Variants in ZBTB10 observed in about 807,000 individuals in gnomAD.
ZBTB10 encodes zinc finger and BTB domain containing 10.
ZBTB10 carries 32 observed loss-of-function variants against 76.4 expected under a neutral mutation model. That is an observed-to-expected ratio of 0.42 (90% CI 0.32 to 0.56). The LOEUF is 0.56. Among genes scored for constraint, ZBTB10 ranks in the 20% least tolerant of loss-of-function variants. ZBTB10 has a pLI of 0.14. For synonymous variants in ZBTB10, 523 were observed against 432.9 expected (o/e 1.21, Z -2.58); for missense variants, 1,057 against 1,098.5 (o/e 0.96, Z 0.53).
chr8:80,502,113 GC>G (rs1815939695), intron 2 of ZBTB10, among the ~76,000 whole-genome samples: 1 of 152,180 alleles, frequency 6.6e-6, no homozygotes, highest in African/African-American at 2.4e-5. Flanking sequence ...GAACCACAAT[GC>G]ATACTTTCAA....
rs1815457211 is a variant in ZBTB10, at chr8:80,486,508, C to T, written c.-303C>T. 5 of 985,474 alleles carry T rather than the reference C, an allele frequency of 5.1e-6. No individual in the cohort carries two copies. The highest frequency in any genetic ancestry group is 9.4e-5 in the South Asian group (2 of 21,288). 61.0% of individuals were successfully genotyped at this position (985,474 alleles called of 1,614,324 possible). On this transcript the variant is annotated 5_prime_UTR_variant, in exon 1 of 6. Coordinates refer to ENST00000455036, the MANE Select transcript of ZBTB10 (RefSeq NM_001105539.3). ...CGCTCGCTGCAGGCTCGCTCCTCAC[C>T]TCTCCGCCGCCCGCCCCCTTCTCCG... is the stretch of plus-strand genomic sequence containing the variant.
At position 80,518,895 on chromosome 8, in the gene ZBTB10, A is replaced by G. The variant is rs1024144574; in HGVS notation, c.2251A>G (p.Ser751Gly). 2 of 1,610,232 alleles carry G rather than the reference A, an allele frequency of 1.2e-6. No individual in the cohort carries two copies. Among genetic ancestry groups the G allele is most frequent in the Non-Finnish European group, 1.7e-6 (2 of 1,178,022 alleles). Residue 751 changes from serine to glycine, a missense_variant, in exon 5 of 6, where the codon AGC (serine) becomes GGC (glycine). Around this residue, in one of 5 missense-constraint regions of ZBTB10, gnomAD observed 54 missense variants for 138.1 expected, o/e 0.39. Transcript: ENST00000455036. ...CATTCACACAGGAGTGAGATCATTT[A>G]GCTGTGATATTTGTGGAAAACTGTT... Reference protein sequence around the residue: ...LLIHTGVRSFSCDICGKLFTR... With the variant: ...LLIHTGVRSFGCDICGKLFTR...
chr8:80,516,721 T>G (rs1816334394), intron 3 of ZBTB10, among the ~76,000 whole-genome samples: 1 of 152,248 alleles, frequency 6.6e-6, no homozygotes, highest in Non-Finnish European at 1.5e-5. Flanking sequence ...AGTAATGATG[T>G]GCAGTTTTAA....
rs539410648 is a variant in ZBTB10, at chr8:80,511,802, GT to G, written c.1862-2107del. On this transcript the variant is annotated intron_variant, in intron 2 of 5. Transcript: ENST00000455036. Reference sequence around the variant, plus strand: ...ATGAATTAAAACTAAACTTTGTTTAGTGATATAAGTTGCAAAGGGCAAGACT... The same window carrying G: ...ATGAATTAAAACTAAACTTTGTTTAGGATATAAGTTGCAAAGGGCAAGACT... Among the ~76,000 whole-genome samples the G allele has an allele frequency of 2.4e-4, 37 of 152,238 alleles. No homozygotes were observed. The South Asian group carries it at 7.7e-3, about 32-fold the overall frequency.
At position 80,487,258 on chromosome 8, in the gene ZBTB10, T is replaced by A; in HGVS notation, c.448T>A (p.Leu150Met). 3 of 1,551,574 alleles carry A rather than the reference T, an allele frequency of 1.9e-6. No individual in the cohort carries two copies. Among genetic ancestry groups the A allele is most frequent in the Non-Finnish European group, 1.7e-6 (2 of 1,149,600 alleles). Residue 150 changes from leucine to methionine, a missense_variant, in exon 1 of 6, where the codon TTG (leucine) becomes ATG (methionine). By Grantham distance (15) the Leu-to-Met change is conservative. Coordinates refer to ENST00000455036, the MANE Select transcript of ZBTB10 (RefSeq NM_001105539.3). ...RGRPETSVWP[L>M]RHFNGRGPAT... Reference sequence around the variant, plus strand: ...CCGCCCCGAGACCTCGGTGTGGCCCTTGAGGCATTTCAATGGGCGAGGGCC... The same window carrying A: ...CCGCCCCGAGACCTCGGTGTGGCCCATGAGGCATTTCAATGGGCGAGGGCC...
intron 1 of ZBTB10, among the ~76,000 whole-genome samples, chr8:80,491,275 A>G (rs1247644805): frequency 6.6e-6 from 1 of 152,214 alleles, no homozygotes; most frequent in African/African-American, 2.4e-5. Flanking sequence ...AGTATTCCTT[A>G]CAGTAACATA....
rs546356232 is a variant in ZBTB10 at position 80,515,924 on chromosome 8, T to A, written c.1960+1916T>A. ...TTATTTAGGCCACTCTTGTAATTCC[T>A]ACAAGTATTCTCTGTTATAAGAATT... On this transcript the variant is annotated intron_variant, in intron 3 of 5. Coordinates refer to ENST00000455036, the MANE Select transcript of ZBTB10 (RefSeq NM_001105539.3). Among the ~76,000 whole-genome samples the A allele has an allele frequency of 5.9e-5, 9 of 152,380 alleles. No individual in the cohort carries two copies. In the South Asian group the frequency reaches 1.9e-3, roughly 32 times the overall value.
chr8:80,485,601 G>C (rs964682076), upstream of ZBTB10: 2 of 525,240 alleles, frequency 3.8e-6, no homozygotes, highest in Non-Finnish European at 6.7e-6. Context: ...AAGACACTCG[G>C]GGCGGTGCAT....
intron 2 of ZBTB10, among the ~76,000 whole-genome samples, chr8:80,506,407 A>C (rs182120): frequency 0.45 from 67,592 of 151,694 alleles, 19,411 homozygotes; most frequent in African/African-American, 0.82. Context: ...CCTCACCTCC[A>C]GGGCTCAAGC....
In ZBTB10 at chr8:80,486,888, C is replaced by A; in HGVS notation, c.78C>A (p.Ser26=). 6.6e-7 allele frequency: 1 copy of A among 1,512,596 alleles called. No individual in the cohort carries two copies. Among genetic ancestry groups the A allele is most frequent in the Non-Finnish European group, 8.8e-7 (1 of 1,132,846 alleles). 93.7% of individuals were successfully genotyped at this position (1,512,596 alleles called of 1,614,324 possible). ...GGLVTASGGG[S]TNNNAGGEAS... is the part of the protein sequence containing the mutation. ...TGGTCACCGCTAGCGGCGGCGGCTC[C>A]ACGAACAATAACGCTGGCGGGGAGG... Residue 26 remains serine (S), a synonymous_variant, in exon 1 of 6, where the codon TCC becomes TCA. Coordinates refer to ENST00000455036, the MANE Select transcript of ZBTB10 (RefSeq NM_001105539.3).
chr8:80,505,469 T>C (rs147584476), intron 2 of ZBTB10, among the ~76,000 whole-genome samples: 8 of 152,274 alleles, frequency 5.3e-5, no homozygotes, highest in Non-Finnish European at 1.0e-4. Flanking sequence ...AATACTCAAA[T>C]GTAAGGTAAT....
In ZBTB10 at chr8:80,525,459, G is replaced by C. The variant is rs998013445; in HGVS notation, c.*5931G>C. 2 of 152,146 alleles carry C rather than the reference G, an allele frequency of 1.3e-5. No homozygotes were observed. Among genetic ancestry groups the C allele is most frequent in the Non-Finnish European group, 2.9e-5 (2 of 68,028 alleles). 9.4% of individuals were successfully genotyped at this position (152,146 alleles called of 1,614,324 possible). A position where few individuals can be genotyped will look rare whatever the true frequency, so the allele number is the denominator to read the frequency against. On this transcript the variant is annotated 3_prime_UTR_variant, in exon 6 of 6. Coordinates refer to ENST00000455036, the MANE Select transcript of ZBTB10 (RefSeq NM_001105539.3). ...GAAAAAGCTAATCTTCCAAGTGTAA[G>C]TAGGTATGTGTTAGAATCTTGGTGA...
upstream of ZBTB10, chr8:80,485,829 G>A: frequency 6.5e-7 from 1 of 1,535,940 alleles, no homozygotes; most frequent in Non-Finnish European, 8.7e-7. Flanking sequence ...TATTTGCAAA[G>A]TCCCAGGTGA....
intron 1 of ZBTB10, among the ~76,000 whole-genome samples, chr8:80,488,943 G>A (rs1585835068): frequency 6.6e-6 from 1 of 152,176 alleles, no homozygotes; most frequent in African/African-American, 2.4e-5. Flanking sequence ...TCAGAAGTTA[G>A]GGCTTTAACT....
rs1226819508 is a variant in ZBTB10 at position 80,522,741 on chromosome 8, T to G, written c.*3213T>G. The G allele has an allele frequency of 2.6e-5, 4 of 151,652 alleles. No homozygotes were observed. The highest frequency in any genetic ancestry group is 9.7e-5 in the African/African-American group (4 of 41,316). 9.4% of individuals were successfully genotyped at this position (151,652 alleles called of 1,614,324 possible). ...GTGCATAACACATCTTAAAGTTGTT[T>G]AATAATAGATAAGAACCAAGAGGAA... On this transcript the variant is annotated 3_prime_UTR_variant, in exon 6 of 6. Transcript: ENST00000455036.
intron 1 of ZBTB10, among the ~76,000 whole-genome samples, chr8:80,488,223 C>G (rs1240887496): frequency 2.0e-5 from 3 of 152,216 alleles, no homozygotes; most frequent in Non-Finnish European, 4.4e-5. Flanking sequence ...ATGGATTAAA[C>G]AGTTTACCTT....
chr8:80,485,822 T>C, upstream of ZBTB10: 2 of 1,535,782 alleles, frequency 1.3e-6, no homozygotes, highest in Non-Finnish European at 1.7e-6. Flanking sequence ...GCACAGTTAT[T>C]TGCAAAGTCC....
At chr8:80,499,443 T>C in intron 1 of ZBTB10, 51 bp from the exon 2 acceptor site, 1 of 1,487,646 alleles carries the variant, frequency 6.7e-7, no homozygotes, top group Non-Finnish European at 9.0e-7. Flanking sequence ...GTTTGGGAGT[T>C]TTTAAAAAAG....
In ZBTB10 at chr8:80,486,529, C is replaced by G. The variant is rs1433962424; in HGVS notation, c.-282C>G. On this transcript the variant is annotated 5_prime_UTR_variant, in exon 1 of 6. Transcript: ENST00000455036. ...TCACCTCTCCGCCGCCCGCCCCCTT[C>G]TCCGCGCGGGACGCTGCCCGGAGCG... The G allele has an allele frequency of 6.1e-6, 6 of 985,814 alleles. No individual in the cohort carries two copies. The East Asian group carries it at 5.7e-4, about 94-fold the overall frequency. 61.1% of individuals were successfully genotyped at this position (985,814 alleles called of 1,614,324 possible).
Sources: gnomAD v4.1 joint callset for allele counts (sites outside exome capture counted in the v4.1 genomes callset) on GRCh38, gnomAD v4.1.1 for gene constraint, gnomAD v4.1.1 regional missense constraint, MANE v1.5 for transcripts, NCBI Gene and HGNC (gene_info 2026-07-23, HGNC 2026-07-21) for gene names.